Variants in SLC5A11 observed in about 807,000 individuals in gnomAD.
The protein encoded by SLC5A11 is sodium/myo-inositol cotransporter 2.
SLC5A11 carries 48 observed loss-of-function variants against 69.8 expected under a neutral mutation model. The observed-to-expected ratio is 0.69, with a 90% confidence interval of 0.55 to 0.87. SLC5A11 has a LOEUF of 0.87. SLC5A11 is among the 40% of genes least tolerant of loss of function. The pLI, the probability that SLC5A11 is intolerant of heterozygous loss-of-function variation, is 0.00. For missense variants in SLC5A11, 784 were observed against 866.1 expected, an observed-to-expected ratio of 0.91 and a Z score of 1.19; for synonymous variants, 319 against 342.4, an observed-to-expected ratio of 0.93 and a Z score of 0.75.
intron 3 of SLC5A11, among the ~76,000 whole-genome samples, chr16:24,868,596 C>CTAAAA (rs2047071773): frequency 1.6e-5 from 2 of 123,942 alleles, no homozygotes; most frequent in African/African-American, 6.2e-5. Context: ...GACTCCGCCT[C>CTAAAA]AAAAAAAAAA....
chr16:24,851,009 T>A (rs1255902561), intron 1 of SLC5A11, among the ~76,000 whole-genome samples: 1 of 151,642 alleles, frequency 6.6e-6, no homozygotes, highest in Non-Finnish European at 1.5e-5. Flanking sequence ...CAGGGTTTCA[T>A]CACGTTGGCC....
intron 2 of SLC5A11, among the ~76,000 whole-genome samples, chr16:24,862,369 A>G (rs539398188): frequency 6.6e-6 from 1 of 152,384 alleles, no homozygotes; most frequent in Admixed American, 6.5e-5. Flanking sequence ...TCATAAAATA[A>G]ATGTTTGTAG....
chr16:24,858,882 G>C, intron 2 of SLC5A11, 104 bp downstream of exon 3: 1 of 1,395,740 alleles, frequency 7.2e-7, no homozygotes, highest in Non-Finnish European at 9.5e-7. Context: ...CTGACTGTGA[G>C]AGGAAGAAAC....
intron 7 of SLC5A11, among the ~76,000 whole-genome samples, chr16:24,877,622 G>C (rs1309457146): frequency 6.6e-6 from 1 of 152,198 alleles, no homozygotes; most frequent in African/African-American, 2.4e-5. Flanking sequence ...AGCCGAGGCA[G>C]GTGGATCACT....
At chr16:24,856,946 G>C (rs1461964453) in intron 1 of SLC5A11, among the ~76,000 whole-genome samples, 5 of 151,944 alleles carry the variant, frequency 3.3e-5, no homozygotes, top group Admixed American at 2.0e-4. Flanking sequence ...TCAGCCTCCT[G>C]AGTAGCTGGG....
chr16:24,864,836 G>A (rs1423438251), intron 3 of SLC5A11, among the ~76,000 whole-genome samples: 1 of 151,950 alleles, frequency 6.6e-6, no homozygotes, highest in African/African-American at 2.4e-5. Flanking sequence ...AAATTATGGA[G>A]TTGGAAAGTA....
At chr16:24,878,787 C>A (rs2047853090) in intron 7 of SLC5A11, among the ~76,000 whole-genome samples, 1 of 152,168 alleles carries the variant, frequency 6.6e-6, no homozygotes, top group Non-Finnish European at 1.5e-5. Context: ...AATCCCAACA[C>A]TTTGGGAGGC....
intron 4 of SLC5A11, among the ~76,000 whole-genome samples, chr16:24,870,402 C>CA (rs375126626): frequency 7.3e-4 from 107 of 145,918 alleles, no homozygotes; most frequent in Admixed American, 2.9e-3. Flanking sequence ...CCCCTCCCCA[C>CA]AAAAAAACAA....
At chr16:24,853,193 G>A (rs1430118540) in intron 1 of SLC5A11, among the ~76,000 whole-genome samples, 1 of 151,908 alleles carries the variant, frequency 6.6e-6, no homozygotes, top group African/African-American at 2.4e-5. Context: ...AGTCCCCAGG[G>A]CCTAGCACAG....
rs2048748530 is a variant in SLC5A11, at chr16:24,890,867, A to G, written c.665-2A>G. 6.2e-7 allele frequency: 1 copy of G among 1,613,920 alleles called. No homozygotes were observed. Among genetic ancestry groups the G allele is most frequent in the Non-Finnish European group, 8.5e-7 (1 of 1,179,928 alleles). On this transcript the variant is annotated splice_acceptor_variant, in intron 8 of 15. Transcript: ENST00000347898. LOFTEE classifies it high-confidence loss of function. ...GGAAAATAGGCTTCCTCTGAATTCT[A>G]GGTTTCGCCGCGGTTGGTGGGATGG...
chr16:24,886,805 G>A (rs1868555394), intron 8 of SLC5A11, among the ~76,000 whole-genome samples: 2 of 152,128 alleles, frequency 1.3e-5, no homozygotes, highest in South Asian at 4.2e-4. Context: ...AAATTAGCTG[G>A]ATGTGGTGGT....
At position 24,888,998 on chromosome 16, in the gene SLC5A11, T is replaced by C. The variant is rs149844410; in HGVS notation, c.665-1871T>C. ...TTTTAGTAGAGACAGGGTTTCCCCA[T>C]GTGGGCCAGGCTGGTCTTGAATTCC... On this transcript the variant is annotated intron_variant, in intron 8 of 15. Transcript: ENST00000347898. Among the ~76,000 whole-genome samples the C allele has an allele frequency of 4.7e-3, 711 of 151,726 alleles. 5 individuals are homozygous for C. The highest frequency in any genetic ancestry group is 7.0e-3 in the Non-Finnish European group (478 of 67,898).
At chr16:24,882,928 G>C (rs138201388) in intron 7 of SLC5A11, among the ~76,000 whole-genome samples, 1 of 152,148 alleles carries the variant, frequency 6.6e-6, no homozygotes, top group Non-Finnish European at 1.5e-5. Context: ...TTACAGGCAT[G>C]AGCCATCTTT....
chr16:24,848,518 C>T (rs752053569), intron 1 of SLC5A11, among the ~76,000 whole-genome samples: 1 of 152,120 alleles, frequency 6.6e-6, no homozygotes, highest in African/African-American at 2.4e-5. Context: ...CAGCACTGTG[C>T]AGGGATCATT....
intron 14 of SLC5A11, 115 bp downstream of exon 15, chr16:24,909,211 G>T: frequency 9.3e-7 from 1 of 1,080,986 alleles, no homozygotes; most frequent in East Asian, 2.5e-5. Flanking sequence ...GAAAAGTCCA[G>T]GGTTGAGGTT....
rs533245673 is a variant in SLC5A11, at chr16:24,858,286, G to A, written c.-24-334G>A. ...TACCACGGAAGTGGAGACTGACTCA[G>A]GTGTCTCATTTTTCTTTCACTCTGG... is the stretch of plus-strand genomic sequence containing the variant. On this transcript the variant is annotated intron_variant, in intron 1 of 15. Coordinates refer to ENST00000347898, the Ensembl canonical transcript of SLC5A11. Among the ~76,000 whole-genome samples the A allele has an allele frequency of 3.3e-5, 5 of 152,272 alleles. No individual in the cohort carries two copies. The East Asian group carries it at 9.6e-4, about 29-fold the overall frequency.
intron 6 of SLC5A11, chr16:24,876,986 T>C (rs2152320254): frequency 1.1e-6 from 1 of 922,896 alleles, no homozygotes; most frequent in Non-Finnish European, 1.4e-6. Flanking sequence ...TGGTATTTAA[T>C]GAAGGTTGCA....
intron 7 of SLC5A11, among the ~76,000 whole-genome samples, chr16:24,880,135 C>G (rs2047941952): frequency 6.6e-6 from 1 of 151,796 alleles, no homozygotes; most frequent in Non-Finnish European, 1.5e-5. Context: ...TCTCACACTG[C>G]TATGAAGAAC....
At chr16:24,855,359 T>C (rs1366487057) in intron 1 of SLC5A11, among the ~76,000 whole-genome samples, 1 of 149,646 alleles carries the variant, frequency 6.7e-6, no homozygotes, top group African/African-American at 2.5e-5. Context: ...CCCAGCACTT[T>C]GAGAGGCGGA....
Sources: gnomAD v4.1 joint callset for allele counts (sites outside exome capture counted in the v4.1 genomes callset) on GRCh38, gnomAD v4.1.1 for gene constraint, MANE v1.5 for transcripts, NCBI Gene and HGNC (gene_info 2026-07-23, HGNC 2026-07-21) for gene names.